Variants in CSMD3 observed in about 807,000 individuals in gnomAD.
CSMD3 encodes the protein CUB and Sushi multiple domains 3.
CSMD3 carries 177 observed loss-of-function variants against 435.2 expected under a neutral mutation model. The ratio of observed to expected loss-of-function variants is 0.41; its 90% CI spans 0.36 to 0.46. CSMD3 has a LOEUF of 0.46. Among genes scored for constraint, CSMD3 ranks in the 20% least tolerant of loss-of-function variants. CSMD3 has a pLI of 0.34. For synonymous variants in CSMD3, 1,656 were observed against 1,520.5 expected, an observed-to-expected ratio of 1.09 and a Z score of -2.07; for missense variants, 4,265 against 4,504.6, an observed-to-expected ratio of 0.95 and a Z score of 1.52.
chr8:112,356,640 C>T (rs981065334), intron 38 of CSMD3, among the ~76,000 whole-genome samples: 3 of 151,144 alleles, frequency 2.0e-5, no homozygotes, highest in East Asian at 4.0e-4. Context: ...TGAATTCCCA[C>T]GTGTTGTGGG....
At chr8:112,991,788 G>A (rs942666354) in intron 6 of CSMD3, among the ~76,000 whole-genome samples, 1 of 151,860 alleles carries the variant, frequency 6.6e-6, no homozygotes, top group Non-Finnish European at 1.5e-5. Flanking sequence ...AGTCAACCCA[G>A]TGAAGTGATG....
chr8:113,405,110 A>G (rs138414277), intron 1 of CSMD3, among the ~76,000 whole-genome samples: 1 of 151,552 alleles, frequency 6.6e-6, no homozygotes, highest in Non-Finnish European at 1.5e-5. Context: ...GCTATGAAGG[A>G]GGCTTTCTTT....
intron 4 of CSMD3, among the ~76,000 whole-genome samples, chr8:113,141,390 A>G (rs2091544125): frequency 6.6e-6 from 1 of 150,812 alleles, no homozygotes; most frequent in African/African-American, 2.4e-5. Context: ...AAAAACTACT[A>G]ATCAGTATGT....
At chr8:112,665,123 A>G (rs188134762) in intron 17 of CSMD3, among the ~76,000 whole-genome samples, 167 of 152,280 alleles carry the variant, frequency 1.1e-3, no homozygotes, top group African/African-American at 3.9e-3. Flanking sequence ...TCAGTCAGTA[A>G]CAGGCCACCG....
chr8:113,360,099 C>T (rs1469078864), intron 1 of CSMD3, among the ~76,000 whole-genome samples: 1 of 152,196 alleles, frequency 6.6e-6, no homozygotes, highest in Non-Finnish European at 1.5e-5. Flanking sequence ...TTGTTTTTAA[C>T]ACTTTTACTG....
chr8:113,174,009 T>A, intron 3 of CSMD3, 93 bp from the exon 4 acceptor site: 1 of 901,732 alleles, frequency 1.1e-6, no homozygotes, highest in Non-Finnish European at 1.8e-6. Context: ...GATATGGATA[T>A]TCTTATTTCT....
intron 8 of CSMD3, among the ~76,000 whole-genome samples, chr8:112,952,670 A>C (rs1244650600): frequency 6.6e-6 from 1 of 151,552 alleles, no homozygotes; most frequent in Non-Finnish European, 1.5e-5. Context: ...AAATTTGCAA[A>C]AAATATTTTG....
chr8:112,945,328 T>C (rs1293506413), intron 9 of CSMD3, among the ~76,000 whole-genome samples: 1 of 151,726 alleles, frequency 6.6e-6, no homozygotes, highest in African/African-American at 2.4e-5. Context: ...AACTAAAATT[T>C]AAGTTTTCTT....
In CSMD3 at chr8:112,999,815, A is replaced by C. The variant is rs77714847; in HGVS notation, c.1030+19252T>G. On this transcript the variant is annotated intron_variant, in intron 6 of 70. Transcript: ENST00000297405. ...AGGATGATTTTAAACATTTGTCCTG[A>C]ATAAATGAGAAAAAAAAAGGTCATT... is the stretch of plus-strand genomic sequence containing the variant. Among the ~76,000 whole-genome samples, 740 of 151,944 alleles carry C rather than the reference A, an allele frequency of 4.9e-3. 5 individuals carry two copies. The highest frequency in any genetic ancestry group is 0.016 in the African/African-American group (649 of 41,436).
chr8:112,534,115 T>C (rs1271394016), intron 27 of CSMD3, among the ~76,000 whole-genome samples: 1 of 151,812 alleles, frequency 6.6e-6, no homozygotes, highest in African/African-American at 2.4e-5. Flanking sequence ...TTAAAAGAAC[T>C]AGAAAAGCAA....
intron 3 of CSMD3, among the ~76,000 whole-genome samples, chr8:113,199,817 A>T (rs181584815): frequency 9.9e-4 from 151 of 152,034 alleles, no homozygotes; most frequent in African/African-American, 3.2e-3. Context: ...AATGGAATAC[A>T]TTAAAAAAAT....
intron 7 of CSMD3, among the ~76,000 whole-genome samples, chr8:112,955,408 A>T (rs536779636): frequency 6.7e-4 from 102 of 151,894 alleles, no homozygotes; most frequent in Non-Finnish European, 1.2e-3. Context: ...GTAGTTGTAC[A>T]TATTTATGGC....
intron 45 of CSMD3, among the ~76,000 whole-genome samples, chr8:112,327,799 A>AT (rs1823644356): frequency 6.6e-6 from 1 of 152,206 alleles, no homozygotes; most frequent in Non-Finnish European, 1.5e-5. Context: ...ATGTGCATAG[A>AT]TATCTGGTTC....
chr8:112,424,945 C>T (rs1812910457), intron 32 of CSMD3, among the ~76,000 whole-genome samples: 1 of 152,206 alleles, frequency 6.6e-6, no homozygotes, highest in Non-Finnish European at 1.5e-5. Context: ...CCACCTCAGC[C>T]TCTCAAAGTG....
intron 38 of CSMD3, among the ~76,000 whole-genome samples, chr8:112,372,683 C>G (rs1375400719): frequency 6.6e-6 from 1 of 151,734 alleles, no homozygotes; most frequent in Admixed American, 6.6e-5. Context: ...AACCCTGTCT[C>G]TAGTAAAATA....
chr8:113,024,288 TTGTGTG>T (rs1028604416), intron 5 of CSMD3, among the ~76,000 whole-genome samples: 21 of 60,502 alleles, frequency 3.5e-4, no homozygotes, highest in South Asian at 2.4e-3. Flanking sequence ...CCACTGAGTA[TTGTGTG>T]TGTGTGTGTG....
At chr8:112,257,019 C>T (rs1423068282) in intron 61 of CSMD3, among the ~76,000 whole-genome samples, 3 of 152,168 alleles carry the variant, frequency 2.0e-5, no homozygotes, top group South Asian at 2.1e-4. Context: ...ATAAAACCTT[C>T]CCTGAAATTC....
chr8:112,459,673 G>GC (rs989835835), intron 32 of CSMD3, among the ~76,000 whole-genome samples: 1 of 152,080 alleles, frequency 6.6e-6, no homozygotes, highest in African/African-American at 2.4e-5. Flanking sequence ...GCATTAGGTA[G>GC]CCTCAGCCTA....
chr8:112,232,615 A>G (rs1272588288), intron 68 of CSMD3, among the ~76,000 whole-genome samples: 1 of 152,206 alleles, frequency 6.6e-6, no homozygotes, highest in East Asian at 1.9e-4. Flanking sequence ...CTCAAAAAAA[A>G]TGAAAGTATT....
Sources: allele counts gnomAD v4.1 joint callset (sites outside exome capture counted in the v4.1 genomes callset), GRCh38; gene constraint gnomAD v4.1.1; transcripts MANE v1.5; gene names NCBI Gene and HGNC (gene_info 2026-07-23, HGNC 2026-07-21).